RAPH1: variants seen among roughly 807,000 people sequenced by gnomAD.
RAPH1 encodes the protein Ras association (RalGDS/AF-6) and pleckstrin homology domains 1, also known as ras-associated and pleckstrin homology domains-containing protein 1.
In RAPH1, 18 loss-of-function variants were observed where a neutral mutation model predicts 88.1. That is an observed-to-expected ratio of 0.20 (90% CI 0.14 to 0.30). The LOEUF is 0.30. Among genes scored for constraint, RAPH1 ranks in the 10% least tolerant of loss-of-function variants. The pLI is 1.00. For synonymous variants in RAPH1, 587 were observed against 559.0 expected (o/e 1.05, Z -0.71); for missense variants, 1,448 against 1,543.2 (o/e 0.94, Z 1.03).
intron 1 of RAPH1, among the ~76,000 whole-genome samples, chr2:203,511,906 T>C (rs908619931): frequency 2.0e-5 from 3 of 151,848 alleles, no homozygotes; most frequent in African/African-American, 4.8e-5. Flanking sequence ...GGTCAAGAGA[T>C]TGAGATCATC....
At chr2:203,488,009 C>A (rs369605651) in intron 4 of RAPH1, among the ~76,000 whole-genome samples, 5 of 152,146 alleles carry the variant, frequency 3.3e-5, no homozygotes, top group Admixed American at 2.6e-4. Context: ...TAAATAGATT[C>A]TTTTATCCCA....
intron 1 of RAPH1, among the ~76,000 whole-genome samples, chr2:203,500,946 T>C (rs777769734): frequency 2.2e-4 from 34 of 152,198 alleles, no homozygotes; most frequent in Non-Finnish European, 4.7e-4. Flanking sequence ...TATGTTTCAG[T>C]AGCTTTCTCA....
intron 4 of RAPH1, among the ~76,000 whole-genome samples, chr2:203,488,209 C>G (rs184016244): frequency 6.6e-6 from 1 of 152,100 alleles, no homozygotes; most frequent in Admixed American, 6.6e-5. Flanking sequence ...CTATCTTATC[C>G]AGTCACATGC....
intron 2 of RAPH1, among the ~76,000 whole-genome samples, chr2:203,494,130 G>A (rs60627764): frequency 1.3e-5 from 2 of 151,962 alleles, no homozygotes; most frequent in African/African-American, 2.4e-5. Flanking sequence ...GATTGCTGCA[G>A]AAATAAGCTG....
rs994802228 is a variant in RAPH1, at chr2:203,448,021, T to C, written c.1571A>G (p.Tyr524Cys). The C allele has an allele frequency of 7.4e-6, 12 of 1,613,796 alleles. No individual in the cohort carries two copies. Among genetic ancestry groups the C allele is most frequent in the African/African-American group, 2.7e-5 (2 of 74,934 alleles). Residue 524 changes from tyrosine to cysteine, a missense_variant, in exon 12 of 14, where the codon TAT (tyrosine) becomes TGT (cysteine). Physicochemically the swap from Tyr to Cys is radical, Grantham distance 194. Coordinates refer to ENST00000319170, the MANE Select transcript of RAPH1 (RefSeq NM_213589.3). The surrounding 1 kb of genome is among the most constrained non-coding windows in gnomAD (Gnocchi z 4.1). ...GGAGCTGGATAAGGAAGTCCAATCATAGGCTGACTCTGTCCTCTTCAAGGC... is the reference window on the plus strand; with the variant it reads ...GGAGCTGGATAAGGAAGTCCAATCACAGGCTGACTCTGTCCTCTTCAAGGC... ...QEALKRTESAYDWTSLSSSSI... is the reference protein window; with the variant it reads ...QEALKRTESACDWTSLSSSSI...
At chr2:203,491,841 T>A (rs147151016) in intron 2 of RAPH1, among the ~76,000 whole-genome samples, 1 of 152,214 alleles carries the variant, frequency 6.6e-6, no homozygotes, top group Non-Finnish European at 1.5e-5. Flanking sequence ...GAGATTGTCA[T>A]AGTTCAGAGT....
At chr2:203,501,817 A>G (rs1210205073) in intron 1 of RAPH1, among the ~76,000 whole-genome samples, 17 of 47,698 alleles carry the variant, frequency 3.6e-4, no homozygotes, top group Admixed American at 5.2e-4. Context: ...AGCATTATGA[A>G]AAAAAAAAAA....
chr2:203,531,526 C>G (rs1197069081), intron 1 of RAPH1, among the ~76,000 whole-genome samples: 2 of 152,116 alleles, frequency 1.3e-5, no homozygotes, highest in Non-Finnish European at 2.9e-5. Flanking sequence ...ACAAAGAACT[C>G]CTACAACTCA....
At chr2:203,482,685 C>T (rs1056159742) in intron 4 of RAPH1, among the ~76,000 whole-genome samples, 3 of 151,966 alleles carry the variant, frequency 2.0e-5, no homozygotes, top group African/African-American at 7.3e-5. Flanking sequence ...TGCCTGAGGA[C>T]CCAGCTACTC....
At chr2:203,505,110 G>A (rs886243261) in intron 1 of RAPH1, among the ~76,000 whole-genome samples, 2 of 152,170 alleles carry the variant, frequency 1.3e-5, no homozygotes, top group African/African-American at 4.8e-5. Context: ...CTGTTACCCA[G>A]TTCCAAAGAC....
intron 8 of RAPH1, 101 bp from the exon 9 acceptor site, chr2:203,455,681 T>C (rs879699755): frequency 1.3e-5 from 15 of 1,138,266 alleles, no homozygotes; most frequent in Non-Finnish European, 1.8e-5. Context: ...TAAACCAAAA[T>C]GGTTTTATAT....
chr2:203,505,848 C>T (rs188711476), intron 1 of RAPH1, among the ~76,000 whole-genome samples: 8 of 152,268 alleles, frequency 5.3e-5, no homozygotes, highest in African/African-American at 4.8e-5. Flanking sequence ...CGCGCGCGCA[C>T]GCACACACAC....
intron 1 of RAPH1, among the ~76,000 whole-genome samples, chr2:203,512,907 AGCCACCGCGCCCG>A (rs1689417782): frequency 6.6e-6 from 1 of 152,270 alleles, no homozygotes; most frequent in South Asian, 2.1e-4. Flanking sequence ...TACAGGCATG[AGCCACCGCGCCCG>A]GCCATCCCTT....
chr2:203,517,888 T>C (rs1581400801), intron 1 of RAPH1, among the ~76,000 whole-genome samples: 1 of 152,170 alleles, frequency 6.6e-6, no homozygotes, highest in Non-Finnish European at 1.5e-5. Context: ...GGGACATTTA[T>C]AGCATTGAAT....
chr2:203,509,525 A>C (rs1459091784), intron 1 of RAPH1, among the ~76,000 whole-genome samples: 2 of 152,310 alleles, frequency 1.3e-5, no homozygotes, highest in East Asian at 3.9e-4. Context: ...TTGATTATTA[A>C]AACTGTGTTA....
chr2:203,458,838 G>C lies in RAPH1; in HGVS notation c.1092+1069C>G, dbSNP rs145276440. 1.1e-4 allele frequency among the ~76,000 whole-genome samples: 16 copies of C among 151,896 alleles called. No homozygotes were observed. In the East Asian group the frequency reaches 3.1e-3, roughly 29 times the overall value. On this transcript the variant is annotated intron_variant, in intron 7 of 13. Transcript: ENST00000319170. ...AGTGCAGTGGCACAATCTCGGCTCA[G>C]TGCAAGCTCCGACTCCCGGATTCAC...
chr2:203,498,840 C>T (rs1205628119), intron 1 of RAPH1, among the ~76,000 whole-genome samples: 2 of 152,106 alleles, frequency 1.3e-5, no homozygotes, highest in Admixed American at 6.5e-5. Flanking sequence ...CAGTCATGTG[C>T]TCATAATGAT....
rs2098503146 is a variant in RAPH1, at chr2:203,440,901, G to C, written c.2289C>G (p.Pro763=). ...GTGCAGGGATAGGAGGAGGTGGGGGGGGTGTTGGGGGAGCCACCTGAGTAA... is the reference window on the plus strand; with the variant it reads ...GTGCAGGGATAGGAGGAGGTGGGGGCGGTGTTGGGGGAGCCACCTGAGTAA... ...QHITQVAPPT[P]PPPPPIPAPL... The change falls in exon 14 of 14, where the codon CCC becomes CCG. Residue 763 remains proline, a synonymous_variant. Coordinates refer to ENST00000319170, the MANE Select transcript of RAPH1 (RefSeq NM_213589.3). The C allele has an allele frequency of 6.7e-7, 1 of 1,485,890 alleles. No homozygotes were observed. Among genetic ancestry groups the C allele is most frequent in the Non-Finnish European group, 9.1e-7 (1 of 1,093,584 alleles). 92.0% of individuals were successfully genotyped at this position (1,485,890 alleles called of 1,614,324 possible).
At chr2:203,514,327 T>C (rs772422800) in intron 1 of RAPH1, among the ~76,000 whole-genome samples, 1 of 152,224 alleles carries the variant, frequency 6.6e-6, no homozygotes. Flanking sequence ...CTGAGGTGCT[T>C]TGACTTCTAA....
Sources: allele counts gnomAD v4.1 joint callset (sites outside exome capture counted in the v4.1 genomes callset), GRCh38; gene constraint gnomAD v4.1.1; non-coding constraint Gnocchi (gnomAD v3.1); transcripts MANE v1.5; gene names NCBI Gene and HGNC (gene_info 2026-07-23, HGNC 2026-07-21).